ALPK3: variants seen among roughly 807,000 people sequenced by gnomAD.
ALPK3 encodes alpha kinase 3, also known as alpha-protein kinase 3.
Under a neutral mutation model 140.0 loss-of-function variants are expected in ALPK3, and 102 were observed. The ratio of observed to expected loss-of-function variants is 0.73; its 90% CI spans 0.62 to 0.86. The LOEUF is 0.86. Among genes scored for constraint, ALPK3 ranks in the 40% least tolerant of loss-of-function variants. The pLI is 0.00. For synonymous variants in ALPK3, 938 were observed against 898.5 expected (o/e 1.04, Z -0.79); for missense variants, 2,254 against 2,208.2 (o/e 1.02, Z -0.42).
Position 84,857,062 on chromosome 15 carries a change from C to T in ALPK3, c.2324C>T (p.Ser775Phe), listed in dbSNP as rs1393483412. The change falls in exon 6 of 14, where the codon TCT becomes TTT. Residue 775 changes from serine (S) to phenylalanine (F), a missense_variant. This residue lies in a region of ALPK3 where 2,088 missense variants were observed against 2,022.9 expected (regional missense o/e 1.03). Coordinates refer to ENST00000258888, the MANE Select transcript of ALPK3 (RefSeq NM_020778.5). ...FPKKPGCLPR[S>F]EEAVVTASRN... ...AAAAAACCTGGTTGCCTGCCCAGAT[C>T]TGAGGAGGCAGTAGTAACAGCCTCC... 1.2e-5 allele frequency: 19 copies of T among 1,614,092 alleles called. No homozygotes were observed. Among genetic ancestry groups the T allele is most frequent in the Non-Finnish European group, 1.6e-5 (19 of 1,180,046 alleles).
intron 3 of ALPK3, 21 bp downstream of exon 3, chr15:84,827,626 C>T (rs1963503945): frequency 6.2e-7 from 1 of 1,613,466 alleles, no homozygotes; most frequent in South Asian, 1.1e-5. Flanking sequence ...TGTCTGTATG[C>T]TCCATGCCAG....
Position 84,829,679 on chromosome 15 carries a change from A to G in ALPK3, c.304+2074A>G, listed in dbSNP as rs115443811. On this transcript the variant is annotated intron_variant, in intron 3 of 13. Coordinates refer to ENST00000258888, the MANE Select transcript of ALPK3 (RefSeq NM_020778.5). Reference sequence around the variant, plus strand: ...GTATCTGGGACTACAGGCGCGTGCCACCACACCCATGCTAATGAGACATGC... The same window carrying G: ...GTATCTGGGACTACAGGCGCGTGCCGCCACACCCATGCTAATGAGACATGC... Among the ~76,000 whole-genome samples, 1,028 of 152,354 alleles carry G rather than the reference A, an allele frequency of 6.7e-3. 15 individuals carry two copies. The highest frequency in any genetic ancestry group is 0.023 in the African/African-American group (974 of 41,586).
intron 2 of ALPK3, among the ~76,000 whole-genome samples, chr15:84,826,597 G>A (rs2141548267): frequency 6.6e-6 from 1 of 152,312 alleles, no homozygotes; most frequent in Non-Finnish European, 1.5e-5. Flanking sequence ...GGCCCAGGAA[G>A]GAGAAGACTG....
intron 2 of ALPK3, 124 bp from the exon 3 acceptor site, chr15:84,827,360 G>T: frequency 7.2e-7 from 1 of 1,391,062 alleles, no homozygotes; most frequent in Non-Finnish European, 9.9e-7. Context: ...ACTTGCCGGG[G>T]TGCTGCAGCT....
chr15:84,821,007 T>G (rs1963416135), intron 1 of ALPK3, among the ~76,000 whole-genome samples: 1 of 152,054 alleles, frequency 6.6e-6, no homozygotes. Context: ...TTTCTTCTAT[T>G]CTGCTTATGT....
At chr15:84,834,017 G>C (rs372016251) in intron 3 of ALPK3, among the ~76,000 whole-genome samples, 13 of 151,678 alleles carry the variant, frequency 8.6e-5, no homozygotes, top group African/African-American at 3.1e-4. Flanking sequence ...GTTCATATTG[G>C]GATGGAAGGA....
intron 5 of ALPK3, among the ~76,000 whole-genome samples, chr15:84,852,788 G>A (rs572660015): frequency 6.6e-6 from 1 of 152,330 alleles, no homozygotes; most frequent in South Asian, 2.1e-4. Context: ...TCCTGTCAGT[G>A]ATGATAAGCC....
intron 3 of ALPK3, among the ~76,000 whole-genome samples, chr15:84,828,087 A>G (rs1963508981): frequency 1.3e-5 from 2 of 152,148 alleles, no homozygotes; most frequent in African/African-American, 2.4e-5. Flanking sequence ...CAATGATGTT[A>G]CTGAGCACGT....
In ALPK3 at chr15:84,860,506, G is replaced by A. The variant is rs115516726; in HGVS notation, c.4129+434G>A. ...CCTAGGAGGGACCTAGGAATATTGC[G>A]TTTTCAGCAGGCCCCCTGGTGATCA... On this transcript the variant is annotated intron_variant, in intron 9 of 13. Transcript: ENST00000258888. 9.6e-3 allele frequency among the ~76,000 whole-genome samples: 1,468 copies of A among 152,252 alleles called. 24 individuals are homozygous for A. The highest frequency in any genetic ancestry group is 0.034 in the African/African-American group (1,404 of 41,540).
chr15:84,872,227 C>T lies in ALPK3; in HGVS notation c.*3771C>T, dbSNP rs1267836664. 1.3e-5 allele frequency: 2 copies of T among 152,264 alleles called. No homozygotes were observed. Among genetic ancestry groups the T allele is most frequent in the African/African-American group, 4.8e-5 (2 of 41,468 alleles). The allele number at this position is 152,264 out of a possible 1,614,324, so 9.4% of individuals were successfully genotyped here. A position where few individuals can be genotyped will look rare whatever the true frequency, so the allele number is the denominator to read the frequency against. ...GCTCTCCCAGAGCCCAGTGGTGAGC[C>T]AGAAGGGCATTTTGTACAAGGATAA... is the stretch of plus-strand genomic sequence containing the variant. On this transcript the variant is annotated 3_prime_UTR_variant, in exon 14 of 14. Transcript: ENST00000258888.
chr15:84,857,991 T>C lies in ALPK3; in HGVS notation c.3253T>C (p.Ser1085Pro). 6.2e-7 allele frequency: 1 copy of C among 1,600,202 alleles called. No individual in the cohort carries two copies. Among genetic ancestry groups the C allele is most frequent in the South Asian group, 1.1e-5 (1 of 89,032 alleles). Residue 1085 changes from serine (S) to proline (P), a missense_variant, in exon 6 of 14, where the codon TCA becomes CCA. Ser to Pro is a moderately conservative substitution (Grantham distance 74). Transcript: ENST00000258888. ...AGACGAGGAGGACCCTGGGCTGGCC[T>C]CAGAAGGAGCCAGTGAGGGTGAAGG... ...VVDEEDPGLA[S>P]EGASEGEGEV... is the part of the protein sequence containing the mutation.
chr15:84,867,459 G>A (rs1452563712), intron 13 of ALPK3, 94 bp downstream of exon 13: 1 of 1,464,990 alleles, frequency 6.8e-7, no homozygotes, highest in Non-Finnish European at 9.5e-7. Flanking sequence ...TGAGGTGCTG[G>A]GCCTGGGGCC....
At chr15:84,828,699 G>A (rs1472774678) in intron 3 of ALPK3, among the ~76,000 whole-genome samples, 1 of 152,186 alleles carries the variant, frequency 6.6e-6, no homozygotes, top group Non-Finnish European at 1.5e-5. Context: ...TTTGTATGGC[G>A]TATGGTGAAT....
intron 5 of ALPK3, among the ~76,000 whole-genome samples, chr15:84,843,175 C>T (rs1161477045): frequency 6.6e-6 from 1 of 152,160 alleles, no homozygotes; most frequent in Non-Finnish European, 1.5e-5. Flanking sequence ...CAACAAAAAC[C>T]TCATGGTTAG....
rs200724501 is a variant in ALPK3 at position 84,856,447 on chromosome 15, A to T, written c.1709A>T (p.Asp570Val). 8.7e-6 allele frequency: 14 copies of T among 1,613,498 alleles called. No homozygotes were observed. In the African/African-American group the frequency reaches 1.1e-4, roughly 12 times the overall value. ...ACCATGTCGGCCAGCAGCAGCTCTG[A>T]TGTAGCCTCCATTGGGGTTAGCACT... ...APTMSASSSSDVASIGVSTSG... is the reference protein window; with the variant it reads ...APTMSASSSSVVASIGVSTSG... The change falls in exon 6 of 14, where the codon GAT (aspartate) becomes GTT (valine). Residue 570 changes from aspartate to valine, a missense_variant. This residue lies in a region of ALPK3 where 2,088 missense variants were observed against 2,022.9 expected (regional missense o/e 1.03). Transcript: ENST00000258888.
In ALPK3 at chr15:84,857,035, C is replaced by G; in HGVS notation, c.2297C>G (p.Pro766Arg). The change falls in exon 6 of 14, where the codon CCA becomes CGA. Residue 766 changes from proline to arginine, a missense_variant. Physicochemically the swap from Pro to Arg is moderately radical, Grantham distance 103. This residue lies in a region of ALPK3 where 2,088 missense variants were observed against 2,022.9 expected (regional missense o/e 1.03). Coordinates refer to ENST00000258888, the MANE Select transcript of ALPK3 (RefSeq NM_020778.5). ...CAGACCCCAGAAGGGTCTTGTTTCCCAAAAAAACCTGGTTGCCTGCCCAGA... is the reference window on the plus strand; with the variant it reads ...CAGACCCCAGAAGGGTCTTGTTTCCGAAAAAAACCTGGTTGCCTGCCCAGA... ...FVQTPEGSCFPKKPGCLPRSE... is the reference protein window; with the variant it reads ...FVQTPEGSCFRKKPGCLPRSE... The G allele has an allele frequency of 1.2e-6, 2 of 1,614,038 alleles. No homozygotes were observed. Among genetic ancestry groups the G allele is most frequent in the Non-Finnish European group, 1.7e-6 (2 of 1,179,992 alleles).
At chr15:84,832,529 G>A (rs1435918570) in intron 3 of ALPK3, among the ~76,000 whole-genome samples, 1 of 152,080 alleles carries the variant, frequency 6.6e-6, no homozygotes, top group Non-Finnish European at 1.5e-5. Context: ...TCTTTCAAGG[G>A]GCTTGCCCTC....
rs1046162107 is a variant in ALPK3 at position 84,870,508 on chromosome 15, C to G, written c.*2052C>G. On this transcript the variant is annotated 3_prime_UTR_variant, in exon 14 of 14. Coordinates refer to ENST00000258888, the MANE Select transcript of ALPK3 (RefSeq NM_020778.5). ...TTGAGTTTTGACCAACAGAAATGAACTTGGACCAACTTAAGCAAGGAAAAA... is the reference window on the plus strand; with the variant it reads ...TTGAGTTTTGACCAACAGAAATGAAGTTGGACCAACTTAAGCAAGGAAAAA... 10 of 152,214 alleles carry G rather than the reference C, an allele frequency of 6.6e-5. No individual in the cohort carries two copies. Among genetic ancestry groups the G allele is most frequent in the African/African-American group, 2.4e-4 (10 of 41,438 alleles). The allele number at this position is 152,214 out of a possible 1,614,324, so 9.4% of individuals were successfully genotyped here. A position where few individuals can be genotyped will look rare whatever the true frequency, so the allele number is the denominator to read the frequency against.
intron 5 of ALPK3, among the ~76,000 whole-genome samples, chr15:84,852,798 C>T (rs1000173532): frequency 3.9e-5 from 6 of 152,144 alleles, no homozygotes; most frequent in Admixed American, 1.3e-4. Context: ...GATGATAAGC[C>T]ATTGAAAGGT....
Sources: gnomAD v4.1 joint callset for allele counts (sites outside exome capture counted in the v4.1 genomes callset) on GRCh38, gnomAD v4.1.1 for gene constraint, gnomAD v4.1.1 regional missense constraint, MANE v1.5 for transcripts, NCBI Gene and HGNC (gene_info 2026-07-23, HGNC 2026-07-21) for gene names.